The following SCGN variants were observed in gnomAD, a reference collection of about 807,000 sequenced individuals.
SCGN encodes secretagogin.
Under a neutral mutation model 39.7 loss-of-function variants are expected in SCGN, and 30 were observed. That is an observed-to-expected ratio of 0.76 (90% CI 0.57 to 1.03). SCGN has a LOEUF of 1.03. Ranked by LOEUF, SCGN falls within the 50% of genes least tolerant of loss-of-function variation. The pLI, the probability that SCGN is intolerant of heterozygous loss-of-function variation, is 0.00. For missense variants in SCGN, 353 were observed against 349.4 expected (o/e 1.01, Z -0.08); for synonymous variants, 106 against 114.1 (o/e 0.93, Z 0.45).
chr6:25,664,752 G>A (rs1760397940), intron 3 of SCGN, among the ~76,000 whole-genome samples, 191 bp from the exon 4 acceptor site: 1 of 152,132 alleles, frequency 6.6e-6, no homozygotes, highest in Non-Finnish European at 1.5e-5. Context: ...GTAGGAGTGT[G>A]TTACTTTCTG....
intron 7 of SCGN, among the ~76,000 whole-genome samples, chr6:25,683,377 A>G (rs1376830902): frequency 4.6e-5 from 7 of 152,148 alleles, no homozygotes; most frequent in Non-Finnish European, 1.0e-4. Flanking sequence ...CCTTCACCAA[A>G]AGCATCTATC....
chr6:25,700,687 C>T (rs980042060), intron 10 of SCGN, among the ~76,000 whole-genome samples: 1 of 152,214 alleles, frequency 6.6e-6, no homozygotes, highest in Non-Finnish European at 1.5e-5. Flanking sequence ...TCCTAGCTAA[C>T]ATGTGTCACG....
At chr6:25,692,667 G>A (rs1159037084) in intron 10 of SCGN, among the ~76,000 whole-genome samples, 1 of 152,162 alleles carries the variant, frequency 6.6e-6, no homozygotes, top group Non-Finnish European at 1.5e-5. Flanking sequence ...CAACAGTCTT[G>A]TGGCATCCCA....
At chr6:25,673,355 G>A (rs1759524804) in intron 6 of SCGN, among the ~76,000 whole-genome samples, 1 of 152,178 alleles carries the variant, frequency 6.6e-6, no homozygotes. Flanking sequence ...GGTGCAGTAT[G>A]TGGCTGGAAA....
intron 2 of SCGN, among the ~76,000 whole-genome samples, chr6:25,657,993 GA>G (rs1300338858): frequency 1.2e-5 from 1 of 80,954 alleles, no homozygotes; most frequent in African/African-American, 4.5e-5. Context: ...TGTTCATTTA[GA>G]AAGGTATCCT....
At chr6:25,669,681 A>C in intron 5 of SCGN, 114 bp downstream of exon 5, 3 of 846,388 alleles carry the variant, frequency 3.5e-6, no homozygotes, top group Admixed American at 2.0e-5. Context: ...ATGTGACTCA[A>C]AAAATACATA....
chr6:25,689,567 C>T (rs1759750495), intron 9 of SCGN, 35 bp downstream of exon 9: 1 of 1,582,636 alleles, frequency 6.3e-7, no homozygotes, highest in African/African-American at 1.3e-5. Flanking sequence ...CTGGCCATCT[C>T]TGAGTAGGAA....
chr6:25,657,053 C>T (rs1403370635), intron 2 of SCGN, among the ~76,000 whole-genome samples: 1 of 152,148 alleles, frequency 6.6e-6, no homozygotes. Context: ...TTCCATTGTG[C>T]TTTTCCTGTA....
intron 10 of SCGN, 87 bp downstream of exon 10, chr6:25,691,211 G>T: frequency 9.9e-7 from 1 of 1,010,388 alleles, no homozygotes; most frequent in South Asian, 1.4e-5. Flanking sequence ...GAGACTGAAG[G>T]TTAATGTCAA....
intron 4 of SCGN, among the ~76,000 whole-genome samples, chr6:25,669,110 C>CAAAAA (rs3034251): frequency 3.6e-5 from 5 of 137,746 alleles, no homozygotes; most frequent in Non-Finnish European, 6.2e-5. Flanking sequence ...GACTCCGTCT[C>CAAAAA]AAAAAAAAAA....
At chr6:25,686,650 G>A (rs1759707958) in intron 7 of SCGN, among the ~76,000 whole-genome samples, 1 of 151,914 alleles carries the variant, frequency 6.6e-6, no homozygotes, top group Non-Finnish European at 1.5e-5. Flanking sequence ...TGAGAGTCGT[G>A]TTTTCATTTT....
At chr6:25,678,394 A>G (rs1196845212) in intron 6 of SCGN, among the ~76,000 whole-genome samples, 1 of 152,172 alleles carries the variant, frequency 6.6e-6, no homozygotes, top group Non-Finnish European at 1.5e-5. Flanking sequence ...TTTAAATTCA[A>G]TAAATAATTA....
At chr6:25,656,554 A>G (rs1206788493) in intron 2 of SCGN, among the ~76,000 whole-genome samples, 1 of 152,160 alleles carries the variant, frequency 6.6e-6, no homozygotes, top group Non-Finnish European at 1.5e-5. Context: ...CAGTTCATGG[A>G]TAAACATCAG....
At chr6:25,669,296 T>C (rs1759458531) in intron 4 of SCGN, among the ~76,000 whole-genome samples, 1 of 152,160 alleles carries the variant, frequency 6.6e-6, no homozygotes, top group Non-Finnish European at 1.5e-5. Flanking sequence ...GAAACCATTG[T>C]GGCCCTCCTT....
intron 10 of SCGN, among the ~76,000 whole-genome samples, chr6:25,699,629 TGG>T (rs1759883387): frequency 7.6e-6 from 1 of 131,156 alleles, no homozygotes; most frequent in Non-Finnish European, 1.7e-5. Context: ...AATGGGAAAA[TGG>T]AGGACACACT....
intron 6 of SCGN, among the ~76,000 whole-genome samples, chr6:25,676,492 A>G (rs972155885): frequency 6.6e-6 from 1 of 152,198 alleles, no homozygotes; most frequent in Non-Finnish European, 1.5e-5. Context: ...TCTGACATGC[A>G]TGTATGTGCT....
chr6:25,659,245 A>G (rs1354043288), intron 2 of SCGN, among the ~76,000 whole-genome samples: 1 of 152,234 alleles, frequency 6.6e-6, no homozygotes, highest in Non-Finnish European at 1.5e-5. Flanking sequence ...ACTAGTTGCC[A>G]GAACCCATCC....
At chr6:25,659,423 T>C (rs1376616712) in intron 2 of SCGN, among the ~76,000 whole-genome samples, 1 of 152,216 alleles carries the variant, frequency 6.6e-6, no homozygotes, top group Non-Finnish European at 1.5e-5. Context: ...ATATCAAATA[T>C]GCTGGTTTCA....
At chr6:25,666,309 C>T (rs745593575) in intron 4 of SCGN, among the ~76,000 whole-genome samples, 4 of 151,740 alleles carry the variant, frequency 2.6e-5, no homozygotes, top group South Asian at 2.1e-4. Flanking sequence ...GAGCATAGAT[C>T]GCACCATTGC....
Sources: allele counts gnomAD v4.1 joint callset (sites outside exome capture counted in the v4.1 genomes callset), GRCh38; gene constraint gnomAD v4.1.1; transcripts MANE v1.5; gene names NCBI Gene and HGNC (gene_info 2026-07-23, HGNC 2026-07-21).